The following C1orf21 variants were observed in gnomAD, a reference collection of about 807,000 sequenced individuals.
C1orf21 encodes the protein chromosome 1 open reading frame 21, also known as uncharacterized protein C1orf21.
C1orf21 carries 3 observed loss-of-function variants against 18.7 expected under a neutral mutation model. That is an observed-to-expected ratio of 0.16 (90% CI 0.07 to 0.42). The LOEUF is 0.42. Among genes scored for constraint, C1orf21 ranks in the 10% least tolerant of loss-of-function variants. C1orf21 has a pLI of 0.99. For synonymous variants in C1orf21, 41 were observed against 46.4 expected (o/e 0.88, Z 0.47); for missense variants, 104 against 143.6 (o/e 0.72, Z 1.41).
chr1:184,481,163 A>G (rs1169298823), intron 2 of C1orf21, among the ~76,000 whole-genome samples: 1 of 152,056 alleles, frequency 6.6e-6, no homozygotes, highest in East Asian at 1.9e-4. Context: ...AAAAGAAGAA[A>G]TAACTTAAAA....
intron 3 of C1orf21, among the ~76,000 whole-genome samples, chr1:184,533,525 G>A (rs1658501513): frequency 6.6e-6 from 1 of 152,160 alleles, no homozygotes; most frequent in Non-Finnish European, 1.5e-5. Context: ...GACTTAGGCA[G>A]GTTGGATGCT....
intron 1 of C1orf21, among the ~76,000 whole-genome samples, chr1:184,404,859 A>G (rs1005192603): frequency 7.2e-5 from 11 of 152,098 alleles, no homozygotes; most frequent in Non-Finnish European, 5.9e-5. Flanking sequence ...TGCTGGCCCT[A>G]AAGAATTTGA....
chr1:184,505,728 A>C (rs1341574060), intron 2 of C1orf21, among the ~76,000 whole-genome samples: 5 of 151,962 alleles, frequency 3.3e-5, no homozygotes, highest in Non-Finnish European at 7.4e-5. Context: ...ACACCATCAC[A>C]CTCCAGCCTG....
rs1347797400 is a variant in C1orf21, at chr1:184,537,668, G to A, written c.189+29986G>A. On this transcript the variant is annotated intron_variant, in intron 3 of 5. Transcript: ENST00000235307. The stretch of plus-strand genomic sequence containing the variant: ...ATTCTTTTTATTTTTTCTTTTTTTT[G>A]AGACAGAGTCTCACTCTCCTTGCCC... Among the ~76,000 whole-genome samples, 6 of 150,090 alleles carry A rather than the reference G, an allele frequency of 4.0e-5. No individual in the cohort carries two copies. The East Asian group carries it at 1.2e-3, about 29-fold the overall frequency.
chr1:184,397,535 A>G (rs546071783), intron 1 of C1orf21, among the ~76,000 whole-genome samples: 4 of 152,218 alleles, frequency 2.6e-5, no homozygotes, highest in South Asian at 2.1e-4. Flanking sequence ...GCAGTGAGCC[A>G]AGATCGCGCT....
intron 3 of C1orf21, among the ~76,000 whole-genome samples, chr1:184,550,194 A>G (rs917141474): frequency 1.1e-4 from 16 of 152,340 alleles, no homozygotes; most frequent in African/African-American, 3.4e-4. Flanking sequence ...AACAAATAGT[A>G]TAAGTGTTTA....
intron 1 of C1orf21, among the ~76,000 whole-genome samples, chr1:184,471,437 T>C (rs373656783): frequency 1.6e-4 from 24 of 152,178 alleles, no homozygotes; most frequent in African/African-American, 5.8e-4. Context: ...AAATTGAATG[T>C]AGGTAAGACA....
chr1:184,517,110 C>T (rs1321350218), intron 3 of C1orf21, among the ~76,000 whole-genome samples: 3 of 151,488 alleles, frequency 2.0e-5, no homozygotes, highest in African/African-American at 7.3e-5. Context: ...GCCAAGAGCT[C>T]AAGATCACGG....
At chr1:184,429,394 A>T (rs1656695938) in intron 1 of C1orf21, among the ~76,000 whole-genome samples, 1 of 152,222 alleles carries the variant, frequency 6.6e-6, no homozygotes. Context: ...TGCAAATGAC[A>T]TAATTTTTTT....
intron 1 of C1orf21, among the ~76,000 whole-genome samples, chr1:184,436,396 G>C (rs1476872151): frequency 6.6e-6 from 1 of 151,990 alleles, no homozygotes; most frequent in Admixed American, 6.6e-5. Flanking sequence ...GAGAGTGGAC[G>C]GTGTACCTGC....
chr1:184,550,769 T>C (rs1223866802), intron 3 of C1orf21, among the ~76,000 whole-genome samples: 1 of 152,108 alleles, frequency 6.6e-6, no homozygotes, highest in Non-Finnish European at 1.5e-5. Flanking sequence ...ACTCCTGGGC[T>C]CAAGTGATCC....
rs566949278 is a variant in C1orf21 at position 184,417,349 on chromosome 1, C to T, written c.-125+29981C>T. Among the ~76,000 whole-genome samples the T allele has an allele frequency of 5.3e-5, 8 of 151,940 alleles. No individual in the cohort carries two copies. The East Asian group carries it at 1.5e-3, about 29-fold the overall frequency. On this transcript the variant is annotated intron_variant, in intron 1 of 5. Transcript: ENST00000235307. ...TTTAAGTACAGTTAGATCTGAAATA[C>T]ACCCCTCCCCCAAAGACATCCATGT... is the stretch of plus-strand genomic sequence containing the variant.
At chr1:184,417,964 G>A (rs1656481489) in intron 1 of C1orf21, among the ~76,000 whole-genome samples, 1 of 152,186 alleles carries the variant, frequency 6.6e-6, no homozygotes, top group Non-Finnish European at 1.5e-5. Context: ...CAATGTCTTT[G>A]GTTCAGGAGT....
intron 3 of C1orf21, among the ~76,000 whole-genome samples, chr1:184,584,476 G>C (rs188382983): frequency 6.6e-6 from 1 of 152,180 alleles, no homozygotes; most frequent in African/African-American, 2.4e-5. Context: ...TGATGGGAAT[G>C]TAAAATGGTG....
chr1:184,501,660 T>A (rs546644418), intron 2 of C1orf21, among the ~76,000 whole-genome samples: 4 of 152,294 alleles, frequency 2.6e-5, no homozygotes, highest in Non-Finnish European at 4.4e-5. Flanking sequence ...ACACAGTAGG[T>A]GCTTTATAAA....
intron 3 of C1orf21, among the ~76,000 whole-genome samples, chr1:184,565,227 A>G (rs1047124923): frequency 4.6e-5 from 7 of 152,220 alleles, no homozygotes; most frequent in African/African-American, 1.4e-4. Context: ...TTGTATTCTG[A>G]TATTATTCAT....
chr1:184,461,405 A>G (rs1369610922), intron 1 of C1orf21, among the ~76,000 whole-genome samples: 1 of 152,210 alleles, frequency 6.6e-6, no homozygotes, highest in African/African-American at 2.4e-5. Context: ...TCCATGACCT[A>G]GGATACTGCA....
At chr1:184,444,849 T>C (rs1465512753) in intron 1 of C1orf21, among the ~76,000 whole-genome samples, 1 of 152,106 alleles carries the variant, frequency 6.6e-6, no homozygotes, top group Non-Finnish European at 1.5e-5. Context: ...AGTACAGAGG[T>C]ACATGGTCTT....
intron 5 of C1orf21, among the ~76,000 whole-genome samples, chr1:184,606,523 T>G (rs1050561693): frequency 6.6e-6 from 1 of 152,204 alleles, no homozygotes; most frequent in African/African-American, 2.4e-5. Flanking sequence ...GAGGTGGCAG[T>G]GAGCTGTGAT....
Sources: allele counts gnomAD v4.1 joint callset (sites outside exome capture counted in the v4.1 genomes callset), GRCh38; gene constraint gnomAD v4.1.1; transcripts MANE v1.5; gene names NCBI Gene and HGNC (gene_info 2026-07-23, HGNC 2026-07-21).